The following MYO18A variants were observed in gnomAD, a reference collection of about 807,000 sequenced individuals.
The protein encoded by MYO18A is unconventional myosin-XVIIIa.
Under a neutral mutation model 235.8 loss-of-function variants are expected in MYO18A, and 78 were observed. The observed-to-expected ratio is 0.33, with a 90% CI of 0.28 to 0.40. The LOEUF (loss-of-function observed/expected upper bound fraction) is 0.40. Among genes scored for constraint, MYO18A ranks in the 10% least tolerant of loss-of-function variants. The pLI is 1.00. For missense variants in MYO18A, 2,215 were observed against 2,699.3 expected (o/e 0.82, Z 3.98); for synonymous variants, 977 against 1,077.8 (o/e 0.91, Z 1.83).
chr17:29,167,013 A>T lies in MYO18A; in HGVS notation c.-73T>A. 1.4e-6 allele frequency: 2 copies of T among 1,451,390 alleles called. No homozygotes were observed. The highest frequency in any genetic ancestry group is 1.8e-6 in the Non-Finnish European group (2 of 1,100,216). 89.9% of individuals were successfully genotyped at this position (1,451,390 alleles called of 1,614,324 possible). A position where few individuals can be genotyped will look rare whatever the true frequency, so the allele number is the denominator to read the frequency against. Reference sequence around the variant, plus strand: ...GCTTAGCACAGGGCCTTGGTGCCCCACTTTGCTGCTGCAAACAGAAACACA... The same window carrying T: ...GCTTAGCACAGGGCCTTGGTGCCCCTCTTTGCTGCTGCAAACAGAAACACA... On this transcript the variant is annotated 5_prime_UTR_variant, in exon 2 of 42. Coordinates refer to ENST00000527372, the MANE Select transcript of MYO18A (RefSeq NM_078471.4).
rs1402869410 is a variant in MYO18A, at chr17:29,121,894, T to C, written c.1151A>G (p.His384Arg). 1 of 1,613,872 alleles carries C rather than the reference T, an allele frequency of 6.2e-7. No individual in the cohort carries two copies. Among genetic ancestry groups the C allele is most frequent in the East Asian group, 2.2e-5 (1 of 44,868 alleles). The change falls in exon 4 of 42, where the codon CAC becomes CGC. Residue 384 changes from histidine to arginine, a missense_variant. Physicochemically the swap from His to Arg is conservative, Grantham distance 29. Transcript: ENST00000527372. The surrounding 1 kb of genome is among the most constrained non-coding windows in gnomAD (Gnocchi z 4.2). Reference protein sequence around the residue: ...PEGKVRVKLDHDGAILDVDED... With the variant: ...PEGKVRVKLDRDGAILDVDED... ...ATCCACATCCAGGATGGCCCCATCG[T>C]GGTCCAGCTTCACACGCACCTTCCC... is the stretch of plus-strand genomic sequence containing the variant.
Position 29,073,160 on chromosome 17 carries a change from C to T in MYO18A, c.*1610G>A, listed in dbSNP as rs1355559454. ...AAGAGAAGAGAAGAGAAGAGAATCTCTGTAATTGGTGAGATTTAACAATCA... is the reference window on the plus strand; with the variant it reads ...AAGAGAAGAGAAGAGAAGAGAATCTTTGTAATTGGTGAGATTTAACAATCA... On this transcript the variant is annotated 3_prime_UTR_variant, in exon 42 of 42. Coordinates refer to ENST00000527372, the MANE Select transcript of MYO18A (RefSeq NM_078471.4). 6.6e-6 allele frequency: 1 copy of T among 151,646 alleles called. No individual in the cohort carries two copies. Among genetic ancestry groups the T allele is most frequent in the Non-Finnish European group, 1.5e-5 (1 of 67,968 alleles). The allele number at this position is 151,646 out of a possible 1,614,324, so 9.4% of individuals were successfully genotyped here.
At chr17:29,075,657 C>G (rs550576154) in intron 41 of MYO18A, 4 of 166,328 alleles carry the variant, frequency 2.4e-5, no homozygotes, top group African/African-American at 9.6e-5. Flanking sequence ...CCTCTTCCCC[C>G]TGATGGAGCA....
At position 29,109,909 on chromosome 17, in the gene MYO18A, TG is replaced by T; in HGVS notation, c.3279del (p.Thr1094ProfsTer39). ...GLLQLDVPLL[R>X]TQLRGSRLLD... ...AGCAGGCGGGAGCCGCGGAGCTGGG[TG>T]CGGAGCAGGGGCACGTCGAGCTGCA... On this transcript the variant is annotated frameshift_variant, in exon 19 of 42. Transcript: ENST00000527372. LOFTEE classifies it high-confidence loss of function. This position sits in a 1 kb window ranked among gnomAD's most constrained non-coding sequence, Gnocchi z 4.1. 6.3e-7 allele frequency: 1 copy of T among 1,583,142 alleles called. No individual in the cohort carries two copies.
At chr17:29,097,383 G>A (rs2066544389) in intron 26 of MYO18A, 33 bp from the exon 27 acceptor site, 1 of 1,601,972 alleles carries the variant, frequency 6.2e-7, no homozygotes, top group Non-Finnish European at 8.5e-7. Flanking sequence ...GGAGGATGGA[G>A]GTGCTGAGAG....
At chr17:29,136,749 C>A (rs72817635) in intron 2 of MYO18A, among the ~76,000 whole-genome samples, 2 of 152,230 alleles carry the variant, frequency 1.3e-5, no homozygotes, top group African/African-American at 4.8e-5. Flanking sequence ...CAGTGCCCAC[C>A]TTTTCTGGTA....
chr17:29,079,763 T>C, intron 41 of MYO18A: 1 of 986,076 alleles, frequency 1.0e-6, no homozygotes, highest in Non-Finnish European at 1.2e-6. Flanking sequence ...AGGTACCGCA[T>C]CATCAGGCTG....
Position 29,121,510 on chromosome 17 carries a change from AC to A in MYO18A, c.1371+36del. Reference sequence around the variant, plus strand: ...GCAGAGAGCCAGGGCAGGGGGTGGGACCAGGAGTCTGCAGGGTAGCCTTGAG... The same window carrying A: ...GCAGAGAGCCAGGGCAGGGGGTGGGACAGGAGTCTGCAGGGTAGCCTTGAG... On this transcript the variant is annotated intron_variant, in intron 5 of 41. Transcript: ENST00000527372. The surrounding 1 kb of genome is among the most constrained non-coding windows in gnomAD (Gnocchi z 4.2). 1 of 1,560,052 alleles carries A rather than the reference AC, an allele frequency of 6.4e-7. No homozygotes were observed. The highest frequency in any genetic ancestry group is 1.2e-5 in the South Asian group (1 of 84,438).
At chr17:29,092,306 C>G in intron 34 of MYO18A, 37 bp downstream of exon 34, 1 of 1,508,346 alleles carries the variant, frequency 6.6e-7, no homozygotes, top group Non-Finnish European at 9.1e-7. Context: ...TCTGCCTCAG[C>G]CCCCCGAGCT....
chr17:29,172,463 T>TA (rs57026865), intron 1 of MYO18A, among the ~76,000 whole-genome samples: 8,740 of 139,584 alleles, frequency 0.063, 342 homozygotes, highest in African/African-American at 0.11. Flanking sequence ...AGACTCTGTC[T>TA]AAAAAAAAAA....
At chr17:29,099,916 G>C (rs956806876) in intron 21 of MYO18A, among the ~76,000 whole-genome samples, 154 bp from the exon 22 acceptor site, 1 of 152,146 alleles carries the variant, frequency 6.6e-6, no homozygotes, top group Non-Finnish European at 1.5e-5. Context: ...GAGAGGAGGG[G>C]AGGAGCAGGA....
chr17:29,167,120 T>A, intron 1 of MYO18A, 99 bp from the exon 2 acceptor site: 1 of 812,018 alleles, frequency 1.2e-6, no homozygotes, highest in Non-Finnish European at 1.8e-6. Context: ...CCTCACTGGG[T>A]GCTAGCTATG....
rs2066880085 is a variant in MYO18A at position 29,109,690 on chromosome 17, C to T, written c.3331+168G>A. Among the ~76,000 whole-genome samples the T allele has an allele frequency of 6.6e-6, 1 of 152,000 alleles. No individual in the cohort carries two copies. The highest frequency in any genetic ancestry group is 1.5e-5 in the Non-Finnish European group (1 of 68,004). ...ACTCTGCAGGATGGAAGGAAATGGA[C>T]AAAGGGGCTGTGGGCTGGGAGAGAT... On this transcript the variant is annotated intron_variant, in intron 19 of 41. Transcript: ENST00000527372. This position sits in a 1 kb window ranked among gnomAD's most constrained non-coding sequence, Gnocchi z 4.1.
Position 29,118,975 on chromosome 17 carries a change from C to T in MYO18A, c.1829+360G>A, listed in dbSNP as rs183499261. Among the ~76,000 whole-genome samples the T allele has an allele frequency of 1.2e-3, 181 of 152,282 alleles. No homozygotes were observed. The highest frequency in any genetic ancestry group is 3.5e-3 in the African/African-American group (147 of 41,556). ...CCAGTTCAGCCCCCTACCAGTCATG[C>T]GACAGTAGGCAAGTCCCCAACCACT... On this transcript the variant is annotated intron_variant, in intron 8 of 41. Coordinates refer to ENST00000527372, the MANE Select transcript of MYO18A (RefSeq NM_078471.4). This position sits in a 1 kb window ranked among gnomAD's most constrained non-coding sequence, Gnocchi z 4.2.
chr17:29,165,897 C>T (rs759426056), intron 2 of MYO18A, 45 bp downstream of exon 2: 15 of 1,556,526 alleles, frequency 9.6e-6, no homozygotes, highest in Non-Finnish European at 1.3e-5. Flanking sequence ...GAGGTGCCCA[C>T]ATTCCCCATC....
At chr17:29,084,810 A>AAC (rs57104115) in intron 40 of MYO18A, among the ~76,000 whole-genome samples, 1 of 151,724 alleles carries the variant, frequency 6.6e-6, no homozygotes, top group African/African-American at 2.4e-5. Flanking sequence ...TAAAAAAAAA[A>AAC]GACCTCTAAA....
At position 29,158,549 on chromosome 17, in the gene MYO18A, C is replaced by T. The variant is rs921778059; in HGVS notation, c.999+7393G>A. Among the ~76,000 whole-genome samples, 1 of 152,156 alleles carries T rather than the reference C, an allele frequency of 6.6e-6. No individual in the cohort carries two copies. Among genetic ancestry groups the T allele is most frequent in the African/African-American group, 2.4e-5 (1 of 41,438 alleles). ...GCATGGTGGGCGCCCTCAGTGCTGC[C>T]AGATGCCTGGGGCACAACCATACCC... On this transcript the variant is annotated intron_variant, in intron 2 of 41. Coordinates refer to ENST00000527372, the MANE Select transcript of MYO18A (RefSeq NM_078471.4). This position sits in a 1 kb window ranked among gnomAD's most constrained non-coding sequence, Gnocchi z 4.3.
chr17:29,166,084 C>CTCTCCACAT lies in MYO18A; in HGVS notation c.848_856dup (p.Asn283_Glu285dup), dbSNP rs777030524. On this transcript the variant is annotated inframe_insertion, in exon 2 of 42. Coordinates refer to ENST00000527372, the MANE Select transcript of MYO18A (RefSeq NM_078471.4). ...CTCCACAATCTCATCCCTGGACTTG[C>CTCTCCACAT]TCTCCACATTGTGCCCATTAATCTC... 1 of 1,613,540 alleles carries CTCTCCACAT rather than the reference C, an allele frequency of 6.2e-7. No homozygotes were observed. The highest frequency in any genetic ancestry group is 1.3e-5 in the African/African-American group (1 of 74,954).
intron 41 of MYO18A, chr17:29,080,046 G>A (rs879742248): frequency 3.2e-5 from 32 of 985,502 alleles, no homozygotes; most frequent in Non-Finnish European, 3.9e-5. Context: ...AGCTGGAGCT[G>A]CTCCTTCCGC....
Sources: gnomAD v4.1 joint callset for allele counts (sites outside exome capture counted in the v4.1 genomes callset) on GRCh38, gnomAD v4.1.1 for gene constraint, Gnocchi (gnomAD v3.1) non-coding constraint, MANE v1.5 for transcripts, NCBI Gene and HGNC (gene_info 2026-07-23, HGNC 2026-07-21) for gene names.